The following SNPH variants were observed in gnomAD, a reference collection of about 807,000 sequenced individuals.
SNPH encodes syntaphilin.
In SNPH, 10 loss-of-function variants were observed where a neutral mutation model predicts 36.8. That is an observed-to-expected ratio of 0.27 (90% CI 0.17 to 0.46). SNPH has a LOEUF of 0.46. Among genes scored for constraint, SNPH ranks in the 20% least tolerant of loss-of-function variants. The probability of loss-of-function intolerance (pLI) is 1.00; values close to 1 mark genes in which losing one functional copy is unlikely to be tolerated. For missense variants in SNPH, 622 were observed against 744.0 expected (o/e 0.84, Z 1.91); for synonymous variants, 281 against 312.2 (o/e 0.90, Z 1.05).
intron 2 of SNPH, among the ~76,000 whole-genome samples, chr20:1,267,976 A>C (rs1425056447): frequency 1.3e-5 from 2 of 152,248 alleles, no homozygotes; most frequent in African/African-American, 2.4e-5. Flanking sequence ...CCTGGCACAT[A>C]GTAGGTTCTC....
chr20:1,273,926 T>A (rs1485118997), intron 2 of SNPH, among the ~76,000 whole-genome samples: 1 of 152,176 alleles, frequency 6.6e-6, no homozygotes, highest in Non-Finnish European at 1.5e-5. Context: ...AGCCTACACT[T>A]AGATGCCAGT....
At chr20:1,292,589 T>C (rs116274571) in intron 2 of SNPH, among the ~76,000 whole-genome samples, 275 of 152,286 alleles carry the variant, frequency 1.8e-3, no homozygotes, top group African/African-American at 6.5e-3. Context: ...AGGCTCCTTA[T>C]CAGGAACTTT....
At chr20:1,301,476 A>G (rs905753567) in intron 6 of SNPH, among the ~76,000 whole-genome samples, 6 of 150,866 alleles carry the variant, frequency 4.0e-5, no homozygotes, top group African/African-American at 1.5e-4. Context: ...CAGAGCAGGC[A>G]CGATGATCGC....
At position 1,304,386 on chromosome 20, in the gene SNPH, C is replaced by T. The variant is rs2088540754; in HGVS notation, c.441-492C>T. 6.6e-6 allele frequency among the ~76,000 whole-genome samples: 1 copy of T among 152,186 alleles called. No individual in the cohort carries two copies. On this transcript the variant is annotated intron_variant, in intron 6 of 6. Transcript: ENST00000381867. The surrounding 1 kb of genome is among the most constrained non-coding windows in gnomAD (Gnocchi z 4.3). ...GGGTCTCTGGCCAAATATTCCTCCA[C>T]TGAAACTTTCTGCAACCTGCTTTAG...
At position 1,308,383 on chromosome 20, in the gene SNPH, C is replaced by T. The variant is rs2088609817; in HGVS notation, c.*2329C>T. On this transcript the variant is annotated 3_prime_UTR_variant, in exon 7 of 7. Coordinates refer to ENST00000381867, the MANE Select transcript of SNPH (RefSeq NM_001318234.2). ...GGGCTCTCCTGGGGCCTTCGATGGG[C>T]TTTTCTTCTTGTCAGTGGAGGGAGC... The T allele has an allele frequency of 6.5e-6, 1 of 152,746 alleles. No homozygotes were observed. The highest frequency in any genetic ancestry group is 1.5e-5 in the Non-Finnish European group (1 of 68,468). The allele number at this position is 152,746 out of a possible 1,614,324, so 9.5% of individuals were successfully genotyped here.
chr20:1,269,353 C>T (rs1303838124), intron 2 of SNPH, among the ~76,000 whole-genome samples: 1 of 152,198 alleles, frequency 6.6e-6, no homozygotes, highest in Non-Finnish European at 1.5e-5. Flanking sequence ...AAGTCCCAGA[C>T]CATTAACTGT....
rs1291363741 is a variant in SNPH, at chr20:1,304,612, G to A, written c.441-266G>A. ...TTCTGGGGGTGGTGGGGTGGGGGAG[G>A]GAATGCGAGTGGTGTCTCCTCCCAA... is the stretch of plus-strand genomic sequence containing the variant. On this transcript the variant is annotated intron_variant, in intron 6 of 6. Transcript: ENST00000381867. This position sits in a 1 kb window ranked among gnomAD's most constrained non-coding sequence, Gnocchi z 4.3. Among the ~76,000 whole-genome samples the A allele has an allele frequency of 6.6e-6, 1 of 151,952 alleles. No individual in the cohort carries two copies. The highest frequency in any genetic ancestry group is 6.6e-5 in the Admixed American group (1 of 15,244).
At position 1,297,194 on chromosome 20, in the gene SNPH, C is replaced by T. The variant is rs2088449068; in HGVS notation, c.232C>T (p.Leu78Phe). 3.7e-6 allele frequency: 6 copies of T among 1,613,924 alleles called. No individual in the cohort carries two copies. The highest frequency in any genetic ancestry group is 4.2e-6 in the Non-Finnish European group (5 of 1,180,002). Residue 78 changes from leucine (L) to phenylalanine (F), a missense_variant, in exon 5 of 7, where the codon CTC (leucine) becomes TTC (phenylalanine). By Grantham distance (22) the Leu-to-Phe change is conservative. Transcript: ENST00000381867. ...GCGGGATGCCTACGGCACCTCTTCG[C>T]TCAGCAGCAGCAGCAATTCTGGCTC... is the stretch of plus-strand genomic sequence containing the variant. The part of the protein sequence containing the change: ...SVRDAYGTSS[L>F]SSSSNSGSYK...
rs2122324153 is a variant in SNPH, at chr20:1,285,317, T to A, written c.-492-9634T>A. Among the ~76,000 whole-genome samples, 1 of 152,346 alleles carries A rather than the reference T, an allele frequency of 6.6e-6. No homozygotes were observed. Among genetic ancestry groups the A allele is most frequent in the Non-Finnish European group, 1.5e-5 (1 of 68,028 alleles). On this transcript the variant is annotated intron_variant, in intron 2 of 6. Transcript: ENST00000381867. The surrounding 1 kb of genome is among the most constrained non-coding windows in gnomAD (Gnocchi z 4.9). ...TAGACAATGACCGGTTTAGGGTTTT[T>A]CTTTCCTTTTCTTTTTTTGCAAGTA...
Position 1,266,583 on chromosome 20 carries a change from G to C in SNPH, c.-599-71G>C. 7.1e-7 allele frequency: 1 copy of C among 1,407,428 alleles called. No homozygotes were observed. The highest frequency in any genetic ancestry group is 9.2e-7 in the Non-Finnish European group (1 of 1,087,838). The allele number at this position is 1,407,428 out of a possible 1,614,324, so 87.2% of individuals were successfully genotyped here. A position where few individuals can be genotyped will look rare whatever the true frequency, so the allele number is the denominator to read the frequency against. On this transcript the variant is annotated intron_variant, in intron 1 of 6. Coordinates refer to ENST00000381867, the MANE Select transcript of SNPH (RefSeq NM_001318234.2). This position sits in a 1 kb window ranked among gnomAD's most constrained non-coding sequence, Gnocchi z 6.0. ...AGCGGCCCAGCTGTCAGCGGCCGGG[G>C]GCTCAGCTGCCTGGGTGTTCCCCGC...
At position 1,305,575 on chromosome 20, in the gene SNPH, C is replaced by T; in HGVS notation, c.1138C>T (p.Gln380Ter). 1 of 1,613,526 alleles carries T rather than the reference C, an allele frequency of 6.2e-7. No individual in the cohort carries two copies. The change falls in exon 7 of 7, where the codon CAG becomes TAG. Residue 380 changes from glutamine (Q) to a stop codon, truncating the protein, a stop_gained. Transcript: ENST00000381867. LOFTEE classifies it high-confidence loss of function. ...CATCCTGGAGAAAGTGACCCAGGCC[C>T]AGGTCTGTGGGACAGACCCTGAGTC... ...DTILEKVTQA[Q>*]VCGTDPESGD... is the part of the protein sequence containing the mutation.
chr20:1,301,234 C>A (rs957213544), intron 6 of SNPH, among the ~76,000 whole-genome samples: 3 of 152,166 alleles, frequency 2.0e-5, no homozygotes, highest in Non-Finnish European at 2.9e-5. Context: ...TTGCTGAGCT[C>A]CTCCCCAGCC....
chr20:1,298,893 G>A (rs760234175), intron 5 of SNPH, among the ~76,000 whole-genome samples: 22 of 150,784 alleles, frequency 1.5e-4, no homozygotes, highest in Non-Finnish European at 3.1e-4. Flanking sequence ...AAATGTACAC[G>A]TGTTAAATTT....
chr20:1,282,099 C>A (rs995931573), intron 2 of SNPH, among the ~76,000 whole-genome samples: 1 of 152,152 alleles, frequency 6.6e-6, no homozygotes, highest in Non-Finnish European at 1.5e-5. Context: ...GTGGTTTGAT[C>A]AAGTAGAAAA....
intron 2 of SNPH, among the ~76,000 whole-genome samples, chr20:1,286,583 T>C (rs923774872): frequency 6.6e-6 from 1 of 152,182 alleles, no homozygotes; most frequent in African/African-American, 2.4e-5. Context: ...TGCCTGGAAC[T>C]GTTGGTGGGA....
chr20:1,266,827 CA>C lies in SNPH; in HGVS notation c.-493+69del. 7.7e-7 allele frequency: 1 copy of C among 1,303,120 alleles called. No homozygotes were observed. Among genetic ancestry groups the C allele is most frequent in the Non-Finnish European group, 9.7e-7 (1 of 1,025,810 alleles). 80.7% of individuals were successfully genotyped at this position (1,303,120 alleles called of 1,614,324 possible). On this transcript the variant is annotated intron_variant, in intron 2 of 6. Coordinates refer to ENST00000381867, the MANE Select transcript of SNPH (RefSeq NM_001318234.2). This position sits in a 1 kb window ranked among gnomAD's most constrained non-coding sequence, Gnocchi z 6.0. Reference sequence around the variant, plus strand: ...CACCGCGGCAGGTGGGGGCCGCTTGCAACCGCTCGCTGCGGTAGAATCCCTT... The same window carrying C: ...CACCGCGGCAGGTGGGGGCCGCTTGCACCGCTCGCTGCGGTAGAATCCCTT...
Position 1,296,184 on chromosome 20 carries a change from T to C in SNPH, c.-56T>C, listed in dbSNP as rs1010279134. 1 of 1,403,086 alleles carries C rather than the reference T, an allele frequency of 7.1e-7. No homozygotes were observed. Among genetic ancestry groups the C allele is most frequent in the African/African-American group, 1.5e-5 (1 of 67,572 alleles). The allele number at this position is 1,403,086 out of a possible 1,614,324, so 86.9% of individuals were successfully genotyped here. Reference sequence around the variant, plus strand: ...TTCAATTCACTGGTGGAGGCAGCCGTGGTCTGCCAGGCCCTCGCTCCTGGG... The same window carrying C: ...TTCAATTCACTGGTGGAGGCAGCCGCGGTCTGCCAGGCCCTCGCTCCTGGG... On this transcript the variant is annotated 5_prime_UTR_variant, in exon 4 of 7. Coordinates refer to ENST00000381867, the MANE Select transcript of SNPH (RefSeq NM_001318234.2).
In SNPH at chr20:1,279,324, G is replaced by A. The variant is rs1349046099; in HGVS notation, c.-493+12564G>A. On this transcript the variant is annotated intron_variant, in intron 2 of 6. Transcript: ENST00000381867. ...CATTTTCCTAATAACTAATGATGTC[G>A]AGCATCTTTTTGTGTCTATTTGACA... Among the ~76,000 whole-genome samples, 3 of 152,222 alleles carry A rather than the reference G, an allele frequency of 2.0e-5. No individual in the cohort carries two copies. The East Asian group carries it at 5.8e-4, about 29-fold the overall frequency.
chr20:1,272,297 C>G (rs1472811007), intron 2 of SNPH, among the ~76,000 whole-genome samples: 1 of 152,134 alleles, frequency 6.6e-6, no homozygotes, highest in Non-Finnish European at 1.5e-5. Context: ...ATGTTGTCTC[C>G]TAAGGTCATT....
Sources: gnomAD v4.1 joint callset for allele counts (sites outside exome capture counted in the v4.1 genomes callset) on GRCh38, gnomAD v4.1.1 for gene constraint, Gnocchi (gnomAD v3.1) non-coding constraint, MANE v1.5 for transcripts, NCBI Gene and HGNC (gene_info 2026-07-23, HGNC 2026-07-21) for gene names.